Variants in SMKR1 observed in about 807,000 individuals in gnomAD.
The protein encoded by SMKR1 is small lysine-rich protein 1.
A neutral mutation model predicts 4.0 loss-of-function variants in SMKR1; 4 were observed. The ratio of observed to expected loss-of-function variants is 1.00; its 90% CI spans 0.49 to 2.30. SMKR1 has a LOEUF of 2.30. Ranked by LOEUF, SMKR1 falls within the 30% of genes most tolerant of loss-of-function variation. The pLI is 0.02. For missense variants in SMKR1, 56 were observed against 81.8 expected (o/e 0.68, Z 1.22); for synonymous variants, 38 against 32.5 (o/e 1.17, Z -0.58).
Position 129,502,690 on chromosome 7 carries a change from C to T in SMKR1, c.-135C>T. ...AGGCGTAGTGAGGCTGGGCCCGTGG[C>T]GGTTCCCTGAGGAGGGCCGAGAAGG... On this transcript the variant is annotated 5_prime_UTR_variant, in exon 1 of 2. Coordinates refer to ENST00000462322, the MANE Select transcript of SMKR1 (RefSeq NM_001195243.2). 1.5e-6 allele frequency: 2 copies of T among 1,349,860 alleles called. No homozygotes were observed. Among genetic ancestry groups the T allele is most frequent in the South Asian group, 2.5e-5 (2 of 78,508 alleles). 83.6% of individuals were successfully genotyped at this position (1,349,860 alleles called of 1,614,324 possible). A position where few individuals can be genotyped will look rare whatever the true frequency, so the allele number is the denominator to read the frequency against.
chr7:129,510,956 T>C (rs769457576), intron 1 of SMKR1, among the ~76,000 whole-genome samples: 2 of 152,062 alleles, frequency 1.3e-5, no homozygotes, highest in Admixed American at 6.6e-5. Context: ...TTACAGGCGC[T>C]TGCCACCATG....
At chr7:129,508,764 G>A (rs1252972530) in intron 1 of SMKR1, among the ~76,000 whole-genome samples, 4 of 152,192 alleles carry the variant, frequency 2.6e-5, no homozygotes, top group African/African-American at 9.6e-5. Context: ...TCCTAAGTCC[G>A]CTTTTCCATG....
chr7:129,504,038 G>A (rs1407058051), intron 1 of SMKR1, among the ~76,000 whole-genome samples: 1 of 152,050 alleles, frequency 6.6e-6, no homozygotes, highest in Non-Finnish European at 1.5e-5. Flanking sequence ...ATGTTGCCCA[G>A]GCTGGTCTCA....
chr7:129,504,944 T>C (rs552731742), intron 1 of SMKR1, among the ~76,000 whole-genome samples: 29 of 152,318 alleles, frequency 1.9e-4, no homozygotes, highest in African/African-American at 6.7e-4. Flanking sequence ...ACTGTAAGCA[T>C]CGTGAGATCT....
chr7:129,512,587 C>G lies in SMKR1; in HGVS notation c.*146C>G. On this transcript the variant is annotated 3_prime_UTR_variant, in exon 2 of 2. Transcript: ENST00000462322. ...GTGCTTTTCTGTGATGGTGGAAGAT[C>G]AGGAAATGCACCTTACTTCCTCTGT... 1 of 842,310 alleles carries G rather than the reference C, an allele frequency of 1.2e-6. No homozygotes were observed. The highest frequency in any genetic ancestry group is 1.7e-6 in the Non-Finnish European group (1 of 574,296). The allele number at this position is 842,310 out of a possible 1,614,324, so 52.2% of individuals were successfully genotyped here.
chr7:129,512,063 A>C (rs1343608647), intron 1 of SMKR1, among the ~76,000 whole-genome samples, 184 bp from the exon 2 acceptor site: 1 of 152,104 alleles, frequency 6.6e-6, no homozygotes. Flanking sequence ...CACACCTTGT[A>C]ATCCCAGCTA....
chr7:129,506,686 G>GTT (rs35399903), intron 1 of SMKR1, among the ~76,000 whole-genome samples: 2,904 of 137,850 alleles, frequency 0.021, 41 homozygotes, highest in Admixed American at 0.03. Context: ...CATACATTAT[G>GTT]TTTTTTTTTT....
At chr7:129,510,422 A>C (rs1221886781) in intron 1 of SMKR1, among the ~76,000 whole-genome samples, 2 of 152,106 alleles carry the variant, frequency 1.3e-5, no homozygotes, top group Admixed American at 1.3e-4. Context: ...TACAGCTCTG[A>C]GTGTTGGTGG....
intron 1 of SMKR1, among the ~76,000 whole-genome samples, chr7:129,504,617 A>T (rs1799446505): frequency 6.6e-6 from 1 of 151,912 alleles, no homozygotes; most frequent in East Asian, 1.9e-4. Context: ...CGATGGCATC[A>T]TACATAGCTC....
Position 129,502,631 on chromosome 7 carries a change from C to A in SMKR1, c.-194C>A. 2.6e-6 allele frequency: 2 copies of A among 760,336 alleles called. No individual in the cohort carries two copies. Among genetic ancestry groups the A allele is most frequent in the Non-Finnish European group, 1.9e-6 (1 of 514,406 alleles). 47.1% of individuals were successfully genotyped at this position (760,336 alleles called of 1,614,324 possible). On this transcript the variant is annotated 5_prime_UTR_variant, in exon 1 of 2. Transcript: ENST00000462322. ...GCTCCGCGGCTGGCTGCCTCCCGAG[C>A]CGGCCGCGCTCCTCCCAGCGAGGCG...
At chr7:129,504,331 T>C (rs1174016101) in intron 1 of SMKR1, among the ~76,000 whole-genome samples, 1 of 152,216 alleles carries the variant, frequency 6.6e-6, no homozygotes, top group African/African-American at 2.4e-5. Context: ...GCTGGCCATG[T>C]TGGCCTTTTT....
At chr7:129,506,757 A>G (rs1255914879) in intron 1 of SMKR1, among the ~76,000 whole-genome samples, 1 of 144,866 alleles carries the variant, frequency 6.9e-6, no homozygotes, top group East Asian at 2.0e-4. Flanking sequence ...TATATCATTT[A>G]TCAGTAATTA....
intron 1 of SMKR1, among the ~76,000 whole-genome samples, chr7:129,511,111 A>G (rs1799521985): frequency 6.6e-6 from 1 of 152,220 alleles, no homozygotes; most frequent in South Asian, 2.1e-4. Context: ...CGCCCAGCCT[A>G]TGCTAAGTAT....
At chr7:129,511,907 G>T (rs1306373837) in intron 1 of SMKR1, among the ~76,000 whole-genome samples, 1 of 152,114 alleles carries the variant, frequency 6.6e-6, no homozygotes, top group Non-Finnish European at 1.5e-5. Context: ...ACTCGGCCTG[G>T]CAAGATGGCT....
intron 1 of SMKR1, among the ~76,000 whole-genome samples, chr7:129,509,023 T>C (rs1799497174): frequency 2.0e-5 from 3 of 152,098 alleles, no homozygotes; most frequent in African/African-American, 7.2e-5. Context: ...CATAAAGAAA[T>C]TGAGACCCAG....
intron 1 of SMKR1, among the ~76,000 whole-genome samples, chr7:129,506,864 CTTTT>C (rs149799446): frequency 2.3e-5 from 3 of 132,252 alleles, no homozygotes; most frequent in African/African-American, 5.7e-5. Context: ...TCTTTCTTTT[CTTTT>C]TTTTTTTTTT....
chr7:129,507,308 C>T (rs1799480227), intron 1 of SMKR1, among the ~76,000 whole-genome samples: 1 of 152,064 alleles, frequency 6.6e-6, no homozygotes, highest in African/African-American at 2.4e-5. Flanking sequence ...AGCCACTGTG[C>T]CCAGCCAATT....
At chr7:129,508,642 C>T (rs55836233) in intron 1 of SMKR1, among the ~76,000 whole-genome samples, 2,835 of 152,204 alleles carry the variant, frequency 0.019, 45 homozygotes, top group Non-Finnish European at 0.029. Flanking sequence ...CCGGGTTTCA[C>T]TGTAGTGGCC....
chr7:129,506,691 T>G (rs1799468806), intron 1 of SMKR1, among the ~76,000 whole-genome samples: 2 of 151,510 alleles, frequency 1.3e-5, no homozygotes, highest in African/African-American at 2.4e-5. Flanking sequence ...ATTATGTTTT[T>G]TTTTTTTTTT....
Sources: allele counts gnomAD v4.1 joint callset (sites outside exome capture counted in the v4.1 genomes callset), GRCh38; gene constraint gnomAD v4.1.1; transcripts MANE v1.5; gene names NCBI Gene and HGNC (gene_info 2026-07-23, HGNC 2026-07-21).